Variants in PDE4B observed in about 807,000 individuals in gnomAD.
PDE4B encodes the protein phosphodiesterase 4B, also known as 3',5'-cyclic-AMP phosphodiesterase 4B.
A neutral mutation model predicts 82.2 loss-of-function variants in PDE4B; 20 were observed. The ratio of observed to expected loss-of-function variants is 0.24; its 90% CI spans 0.17 to 0.35. PDE4B has a LOEUF of 0.35. Ranked by LOEUF, PDE4B falls within the 10% of genes least tolerant of loss-of-function variation. The probability of loss-of-function intolerance (pLI) is 1.00; values close to 1 mark genes in which losing one functional copy is unlikely to be tolerated. For missense variants in PDE4B, 655 were observed against 907.2 expected, an observed-to-expected ratio of 0.72 and a Z score of 3.57; for synonymous variants, 320 against 318.9, an observed-to-expected ratio of 1.00 and a Z score of -0.04.
rs116314938 is a variant in PDE4B, at chr1:66,260,705, A to T, written c.584+2842A>T. 7.5e-3 allele frequency among the ~76,000 whole-genome samples: 1,138 copies of T among 152,290 alleles called. 14 individuals are homozygous for T. The highest frequency in any genetic ancestry group is 0.026 in the African/African-American group (1,076 of 41,554). On this transcript the variant is annotated intron_variant, in intron 6 of 16. Coordinates refer to ENST00000341517, the MANE Select transcript of PDE4B (RefSeq NM_002600.4). ...CAGAACATTCAGCCCAACCCTGCTGATTAATAAGCTGTGCCAACTGAAACA... is the reference window on the plus strand; with the variant it reads ...CAGAACATTCAGCCCAACCCTGCTGTTTAATAAGCTGTGCCAACTGAAACA...
intron 3 of PDE4B, among the ~76,000 whole-genome samples, chr1:65,959,267 T>G (rs1167582510): frequency 6.6e-6 from 1 of 152,230 alleles, no homozygotes; most frequent in African/African-American, 2.4e-5. Context: ...TCTGATTCTG[T>G]AACAATCACC....
At chr1:65,982,331 C>CA (rs1650731509) in intron 3 of PDE4B, among the ~76,000 whole-genome samples, 1 of 152,152 alleles carries the variant, frequency 6.6e-6, no homozygotes, top group Admixed American at 6.5e-5. Context: ...GCAAACACAT[C>CA]CTGGTTTCTC....
At chr1:66,101,077 C>T (rs1024617710) in intron 3 of PDE4B, among the ~76,000 whole-genome samples, 11 of 152,038 alleles carry the variant, frequency 7.2e-5, no homozygotes, top group South Asian at 2.1e-4. Context: ...TGAGAACATG[C>T]GGTGTTTGAT....
chr1:66,302,729 G>T (rs968109472), intron 7 of PDE4B, among the ~76,000 whole-genome samples: 10 of 152,162 alleles, frequency 6.6e-5, no homozygotes, highest in Non-Finnish European at 1.3e-4. Flanking sequence ...AAAAGCTCTT[G>T]CTTGCTTTCT....
intron 3 of PDE4B, among the ~76,000 whole-genome samples, chr1:65,927,155 G>C (rs1423256823): frequency 1.3e-5 from 2 of 151,884 alleles, no homozygotes; most frequent in African/African-American, 2.4e-5. Context: ...ATAGGGCACA[G>C]ATCTACACAA....
Position 66,100,343 on chromosome 1 carries a change from GT to G in PDE4B, c.282-147116del, listed in dbSNP as rs1287369680. ...GCTGGGATTACAGGTGTGAGCCACT[GT>G]GTCCAGCCTGTGTTCAAATTTTTCT... On this transcript the variant is annotated intron_variant, in intron 3 of 16. Coordinates refer to ENST00000341517, the MANE Select transcript of PDE4B (RefSeq NM_002600.4). Among the ~76,000 whole-genome samples the G allele has an allele frequency of 5.3e-5, 8 of 152,202 alleles. No homozygotes were observed. In the East Asian group the frequency reaches 5.8e-4, roughly 11 times the overall value.
intron 1 of PDE4B, among the ~76,000 whole-genome samples, chr1:65,826,645 CTA>C (rs573427122): frequency 2.0e-5 from 3 of 152,070 alleles, no homozygotes; most frequent in Non-Finnish European, 4.4e-5. Flanking sequence ...GGAAGAGTAA[CTA>C]AAATTGTAGC....
At chr1:66,007,452 C>A (rs575821083) in intron 3 of PDE4B, among the ~76,000 whole-genome samples, 9 of 151,698 alleles carry the variant, frequency 5.9e-5, no homozygotes, top group Non-Finnish European at 1.2e-4. Context: ...ACAAAACAAC[C>A]CCCCCCAACC....
At chr1:66,085,572 C>G (rs1269275001) in intron 3 of PDE4B, among the ~76,000 whole-genome samples, 1 of 152,076 alleles carries the variant, frequency 6.6e-6, no homozygotes, top group Non-Finnish European at 1.5e-5. Flanking sequence ...TGGAAAGCAG[C>G]TCTCAGAGCA....
intron 1 of PDE4B, among the ~76,000 whole-genome samples, chr1:65,845,762 C>T (rs1005126911): frequency 4.6e-5 from 7 of 152,156 alleles, no homozygotes; most frequent in African/African-American, 1.7e-4. Context: ...TTTACCCCTG[C>T]ACCCTTTATC....
chr1:66,158,953 A>G (rs1410251390), intron 3 of PDE4B, among the ~76,000 whole-genome samples: 3 of 152,198 alleles, frequency 2.0e-5, no homozygotes, highest in Non-Finnish European at 2.9e-5. Flanking sequence ...TAGTGGGTAA[A>G]GGAAGATGGA....
intron 3 of PDE4B, among the ~76,000 whole-genome samples, chr1:66,218,648 C>T (rs1268780385): frequency 1.3e-5 from 2 of 152,258 alleles, no homozygotes; most frequent in East Asian, 3.9e-4. Flanking sequence ...CATGACCCCT[C>T]TGGGACCTCT....
At chr1:66,224,476 T>C (rs1302412550) in intron 3 of PDE4B, among the ~76,000 whole-genome samples, 1 of 152,122 alleles carries the variant, frequency 6.6e-6, no homozygotes, top group Non-Finnish European at 1.5e-5. Flanking sequence ...CCCAGAACTT[T>C]GGGAGGCCGA....
At chr1:66,274,957 T>C (rs893482283) in intron 7 of PDE4B, among the ~76,000 whole-genome samples, 1 of 152,174 alleles carries the variant, frequency 6.6e-6, no homozygotes. Context: ...ACTTTTTTTT[T>C]CCTCCTGAGA....
At position 65,820,259 on chromosome 1, in the gene PDE4B, TA is replaced by T. The variant is rs568746080; in HGVS notation, c.-71+27016del. ...TTAGAAATAGAGAAGGAAAGAACTTTAAAAATTGAAGAATGGATTTTATCTC... is the reference window on the plus strand; with the variant it reads ...TTAGAAATAGAGAAGGAAAGAACTTTAAAATTGAAGAATGGATTTTATCTC... On this transcript the variant is annotated intron_variant, in intron 1 of 16. Transcript: ENST00000341517. Among the ~76,000 whole-genome samples, 465 of 152,330 alleles carry T rather than the reference TA, an allele frequency of 3.1e-3. 1 individual carries two copies. The highest frequency in any genetic ancestry group is 0.01 in the African/African-American group (435 of 41,584).
intron 3 of PDE4B, among the ~76,000 whole-genome samples, chr1:66,045,770 C>T (rs1344909001): frequency 1.3e-5 from 2 of 150,984 alleles, no homozygotes; most frequent in Non-Finnish European, 2.9e-5. Flanking sequence ...AAATCTCCCA[C>T]CATGATTAAG....
At chr1:66,163,730 A>G (rs1376128912) in intron 3 of PDE4B, among the ~76,000 whole-genome samples, 2 of 152,228 alleles carry the variant, frequency 1.3e-5, no homozygotes, top group Non-Finnish European at 2.9e-5. Flanking sequence ...AGTGAGGTTA[A>G]AAATTAGTGA....
chr1:66,114,055 G>A (rs1212943613), intron 3 of PDE4B, among the ~76,000 whole-genome samples: 2 of 152,176 alleles, frequency 1.3e-5, no homozygotes, highest in Admixed American at 1.3e-4. Flanking sequence ...CCTTTGGGAA[G>A]TTATTAGATC....
At chr1:65,987,117 G>T (rs1046094159) in intron 3 of PDE4B, among the ~76,000 whole-genome samples, 11 of 152,176 alleles carry the variant, frequency 7.2e-5, no homozygotes, top group African/African-American at 2.7e-4. Flanking sequence ...TGTAGACTTT[G>T]CTTTTACTCT....
Sources: allele counts gnomAD v4.1 joint callset (sites outside exome capture counted in the v4.1 genomes callset), GRCh38; gene constraint gnomAD v4.1.1; transcripts MANE v1.5; gene names NCBI Gene and HGNC (gene_info 2026-07-23, HGNC 2026-07-21).